LRRIQ1: variants seen among roughly 807,000 people sequenced by gnomAD.
LRRIQ1 encodes the protein leucine rich repeats and IQ motif containing 1.
A neutral mutation model predicts 211.9 loss-of-function variants in LRRIQ1; 210 were observed. The ratio of observed to expected loss-of-function variants is 0.99; its 90% CI spans 0.89 to 1.11. The LOEUF (loss-of-function observed/expected upper bound fraction) is 1.11, where lower values mean the gene tolerates loss of function less well. LRRIQ1 is among the 50% of genes most tolerant of loss of function. LRRIQ1 has a pLI of 0.00. For missense variants in LRRIQ1, 2,136 were observed against 1,939.5 expected (o/e 1.10, Z -1.90); for synonymous variants, 699 against 650.1 (o/e 1.08, Z -1.14).
chr12:85,228,085 G>A (rs1298481139), intron 24 of LRRIQ1, among the ~76,000 whole-genome samples: 2 of 152,022 alleles, frequency 1.3e-5, no homozygotes, highest in Non-Finnish European at 2.9e-5. Context: ...GAAAACCTTG[G>A]CAATACCATT....
chr12:85,163,610 G>T (rs1891009515), intron 24 of LRRIQ1, among the ~76,000 whole-genome samples: 1 of 152,004 alleles, frequency 6.6e-6, no homozygotes, highest in Non-Finnish European at 1.5e-5. Flanking sequence ...GGGTTTCCAT[G>T]ATTCTTCTTA....
chr12:85,037,421 G>A (rs1262110737), intron 1 of LRRIQ1, among the ~76,000 whole-genome samples: 2 of 151,858 alleles, frequency 1.3e-5, no homozygotes, highest in Non-Finnish European at 2.9e-5. Context: ...CTTTTTAAAT[G>A]CACTTTGAGT....
At chr12:85,049,004 A>G (rs1235033319) in intron 6 of LRRIQ1, among the ~76,000 whole-genome samples, 1 of 152,206 alleles carries the variant, frequency 6.6e-6, no homozygotes, top group Non-Finnish European at 1.5e-5. Context: ...TCAAAGAATT[A>G]TAACTTATTT....
intron 1 of LRRIQ1, among the ~76,000 whole-genome samples, chr12:85,037,892 T>C (rs1445600387): frequency 2.0e-5 from 3 of 151,952 alleles, no homozygotes; most frequent in Non-Finnish European, 2.9e-5. Context: ...TAAACAATTC[T>C]GATCTTTATT....
At chr12:85,184,876 A>C (rs1362413204) in intron 24 of LRRIQ1, among the ~76,000 whole-genome samples, 4 of 152,042 alleles carry the variant, frequency 2.6e-5, no homozygotes, top group African/African-American at 9.7e-5. Flanking sequence ...ATTAAAATAT[A>C]TAAGAACTAA....
intron 24 of LRRIQ1, among the ~76,000 whole-genome samples, chr12:85,193,064 TATA>T (rs1892681103): frequency 8.7e-6 from 1 of 114,432 alleles, no homozygotes; most frequent in African/African-American, 3.4e-5. Flanking sequence ...ATATAAATAT[TATA>T]TTATATTTTA....
intron 19 of LRRIQ1, among the ~76,000 whole-genome samples, chr12:85,146,125 A>G (rs1048552325): frequency 7.0e-6 from 1 of 142,168 alleles, no homozygotes; most frequent in Non-Finnish European, 1.6e-5. Context: ...TAATCCAACT[A>G]TAGCTGGACT....
rs541448338 is a variant in LRRIQ1 at position 85,162,016 on chromosome 12, G to A, written c.4822+1302G>A. ...ATCGCGCCACTGCACTCCAGCCTGG[G>A]CGACAGAGCGAGACTCCACCTCAAA... On this transcript the variant is annotated intron_variant, in intron 24 of 26. Coordinates refer to ENST00000393217, the MANE Select transcript of LRRIQ1 (RefSeq NM_001079910.2). 5.1e-3 allele frequency among the ~76,000 whole-genome samples: 780 copies of A among 151,826 alleles called. 4 individuals carry two copies. The highest frequency in any genetic ancestry group is 0.018 in the African/African-American group (758 of 41,406).
intron 15 of LRRIQ1, among the ~76,000 whole-genome samples, chr12:85,109,766 A>C (rs938762253): frequency 1.3e-5 from 2 of 152,012 alleles, no homozygotes; most frequent in African/African-American, 4.8e-5. Context: ...AAGTTTGAAA[A>C]CCACCATTTT....
intron 24 of LRRIQ1, among the ~76,000 whole-genome samples, chr12:85,186,199 AT>A (rs1892221418): frequency 6.6e-6 from 1 of 152,248 alleles, no homozygotes; most frequent in Non-Finnish European, 1.5e-5. Context: ...TAGTTATAAG[AT>A]TAAAAACTGT....
chr12:85,249,591 A>T (rs532694970), downstream of LRRIQ1, among the ~76,000 whole-genome samples: 5 of 152,060 alleles, frequency 3.3e-5, no homozygotes, highest in African/African-American at 1.2e-4. Flanking sequence ...CATTAAGAAA[A>T]TATAAATATG....
At chr12:85,215,881 A>T (rs936436622) in intron 24 of LRRIQ1, among the ~76,000 whole-genome samples, 25 of 152,218 alleles carry the variant, frequency 1.6e-4, no homozygotes, top group African/African-American at 5.8e-4. Flanking sequence ...TACCTACAGA[A>T]TTGTTCTATG....
At chr12:85,099,610 C>T (rs1032314697) in intron 13 of LRRIQ1, among the ~76,000 whole-genome samples, 1 of 151,812 alleles carries the variant, frequency 6.6e-6, no homozygotes. Context: ...TTCTCCTCTG[C>T]TTAATATTTC....
intron 24 of LRRIQ1, among the ~76,000 whole-genome samples, chr12:85,164,994 T>A (rs1891079427): frequency 6.6e-6 from 1 of 152,180 alleles, no homozygotes; most frequent in South Asian, 2.1e-4. Flanking sequence ...TAGGATATCA[T>A]TTAGTGCCAA....
chr12:85,191,619 G>T (rs1204670372), intron 24 of LRRIQ1, among the ~76,000 whole-genome samples: 1 of 152,006 alleles, frequency 6.6e-6, no homozygotes, highest in African/African-American at 2.4e-5. Flanking sequence ...GAATAAAGCT[G>T]CTATAAATGT....
chr12:85,056,360 G>A lies in LRRIQ1; in HGVS notation c.1567G>A (p.Glu523Lys), dbSNP rs770973917. The change falls in exon 8 of 27, where the codon GAA becomes AAA. Residue 523 changes from glutamate (E) to lysine (K), a missense_variant. Transcript: ENST00000393217. ...CTCTGATCTAAAAGGAAATCTGAAA[G>A]AACAGTTTCCATTGCAAGAATTAAA... ...GNSDLKGNLK[E>K]QFPLQELKSD... is the part of the protein sequence containing the mutation. The A allele has an allele frequency of 1.4e-5, 22 of 1,591,902 alleles. No individual in the cohort carries two copies. Among genetic ancestry groups the A allele is most frequent in the Non-Finnish European group, 1.9e-5 (22 of 1,174,270 alleles).
At chr12:85,077,096 T>C (rs1004996921) in intron 11 of LRRIQ1, among the ~76,000 whole-genome samples, 10 of 152,176 alleles carry the variant, frequency 6.6e-5, no homozygotes, top group African/African-American at 2.4e-4. Flanking sequence ...TGAAAAACCA[T>C]CAGACATGGC....
At chr12:85,202,878 AC>A (rs1893364137) in intron 24 of LRRIQ1, among the ~76,000 whole-genome samples, 1 of 151,920 alleles carries the variant, frequency 6.6e-6, no homozygotes, top group South Asian at 2.1e-4. Context: ...GTGTAGTCTC[AC>A]TGGCCTATGT....
chr12:85,163,626 T>C (rs1288304371), intron 24 of LRRIQ1, among the ~76,000 whole-genome samples: 1 of 152,154 alleles, frequency 6.6e-6, no homozygotes, highest in Non-Finnish European at 1.5e-5. Flanking sequence ...TCTTACAAAT[T>C]TGATTTTTAT....
Sources: allele counts gnomAD v4.1 joint callset (sites outside exome capture counted in the v4.1 genomes callset), GRCh38; gene constraint gnomAD v4.1.1; transcripts MANE v1.5; gene names NCBI Gene and HGNC (gene_info 2026-07-23, HGNC 2026-07-21).